The following PCDHA4 variants were observed in gnomAD, a reference collection of about 807,000 sequenced individuals.
PCDHA4 encodes protocadherin alpha-4.
In PCDHA4, 49 loss-of-function variants were observed where a neutral mutation model predicts 61.4. That is an observed-to-expected ratio of 0.80 (90% CI 0.63 to 1.01). The LOEUF (loss-of-function observed/expected upper bound fraction) is 1.01, where lower values mean the gene tolerates loss of function less well. Among genes scored for constraint, PCDHA4 ranks in the 50% least tolerant of loss-of-function variants. PCDHA4 has a pLI of 0.00. For synonymous variants in PCDHA4, 590 were observed against 550.3 expected (o/e 1.07, Z -1.01); for missense variants, 1,254 against 1,235.8 (o/e 1.01, Z -0.22).
intron 1 of PCDHA4, chr5:140,871,328 G>C: frequency 1.9e-6 from 3 of 1,614,128 alleles, no homozygotes; most frequent in Non-Finnish European, 2.5e-6. Flanking sequence ...GTGTGCTCCC[G>C]CGCGGTGGGG....
In PCDHA4 at chr5:140,856,803, A is replaced by C. The variant is rs782347816; in HGVS notation, c.2385+47231A>C. On this transcript the variant is annotated intron_variant, in intron 1 of 3. Coordinates refer to ENST00000530339, the MANE Select transcript of PCDHA4 (RefSeq NM_018907.4). ...CCGGTTTATGAAGTTAAGATGTATGAAAATCAAGTGAACCAAACATTAGTA... is the reference window on the plus strand; with the variant it reads ...CCGGTTTATGAAGTTAAGATGTATGCAAATCAAGTGAACCAAACATTAGTA... 9.4e-6 allele frequency: 15 copies of C among 1,595,568 alleles called. 2 individuals are homozygous for C. In the Admixed American group the frequency reaches 1.2e-4, roughly 13 times the overall value.
At position 140,854,896 on chromosome 5, in the gene PCDHA4, G is replaced by A. The variant is rs181663374; in HGVS notation, c.2385+45324G>A. Among the ~76,000 whole-genome samples, 38 of 149,756 alleles carry A rather than the reference G, an allele frequency of 2.5e-4. 1 individual carries two copies. Among genetic ancestry groups the A allele is most frequent in the African/African-American group, 4.6e-4 (19 of 40,968 alleles). On this transcript the variant is annotated intron_variant, in intron 1 of 3. Coordinates refer to ENST00000530339, the MANE Select transcript of PCDHA4 (RefSeq NM_018907.4). ...TGTGTCTTTTGGGCATTTGAAAAGC[G>A]TAAATATAACAGGGTTGAAAGCATT...
At chr5:140,973,959 G>A (rs782474164) in intron 1 of PCDHA4, among the ~76,000 whole-genome samples, 2 of 152,198 alleles carry the variant, frequency 1.3e-5, no homozygotes, top group Admixed American at 6.5e-5. Flanking sequence ...TTTTACAGGT[G>A]TCTTTAAATG....
chr5:140,865,121 A>G (rs1247954384), intron 1 of PCDHA4: 9 of 152,186 alleles, frequency 5.9e-5, no homozygotes, highest in African/African-American at 2.2e-4. Context: ...TTGTGGTGTT[A>G]ATTATACCTT....
intron 1 of PCDHA4, among the ~76,000 whole-genome samples, chr5:140,938,751 C>A (rs943916265): frequency 6.6e-6 from 1 of 151,978 alleles, no homozygotes; most frequent in Non-Finnish European, 1.5e-5. Flanking sequence ...TTTTTAAAGG[C>A]ATAGTTATTG....
chr5:140,875,917 G>A, intron 1 of PCDHA4: 1 of 1,614,146 alleles, frequency 6.2e-7, no homozygotes, highest in Non-Finnish European at 8.5e-7. Flanking sequence ...TGCGCCTCTG[G>A]ACTCTCATTT....
chr5:140,994,281 G>T (rs2097610222), intron 3 of PCDHA4, among the ~76,000 whole-genome samples: 1 of 152,144 alleles, frequency 6.6e-6, no homozygotes. Flanking sequence ...CCTTTCTTGA[G>T]ACAGTCCCCA....
At position 140,857,332 on chromosome 5, in the gene PCDHA4, C is replaced by G. The variant is rs782461373; in HGVS notation, c.2385+47760C>G. The G allele has an allele frequency of 1.9e-6, 3 of 1,598,330 alleles. 1 individual carries two copies. The highest frequency in any genetic ancestry group is 2.6e-6 in the Non-Finnish European group (3 of 1,167,876). On this transcript the variant is annotated intron_variant, in intron 1 of 3. Transcript: ENST00000530339. Reference sequence around the variant, plus strand: ...ATGAGCTGGTGGTGACCGCGCGGGACGGGGGCTCGCCTCCGCTGTGGGCCA... The same window carrying G: ...ATGAGCTGGTGGTGACCGCGCGGGAGGGGGGCTCGCCTCCGCTGTGGGCCA...
At chr5:140,984,157 C>G (rs1187103463) in intron 3 of PCDHA4, among the ~76,000 whole-genome samples, 1 of 152,228 alleles carries the variant, frequency 6.6e-6, no homozygotes, top group Non-Finnish European at 1.5e-5. Flanking sequence ...AAGGTGAGAA[C>G]TTCCCAAAGA....
intron 1 of PCDHA4, chr5:140,927,708 A>G: frequency 6.2e-7 from 1 of 1,614,202 alleles, no homozygotes; most frequent in Non-Finnish European, 8.5e-7. Context: ...AGTACTCCCT[A>G]AGCAACAGCA....
chr5:140,927,363 GAT>G (rs1188531316), intron 1 of PCDHA4: 33 of 1,613,946 alleles, frequency 2.0e-5, no homozygotes, highest in Non-Finnish European at 2.7e-5. Context: ...GAAGCAATGG[GAT>G]ACTAAGCTAC....
At chr5:140,841,682 G>T (rs2150320729) in intron 1 of PCDHA4, 21 of 1,613,844 alleles carry the variant, frequency 1.3e-5, no homozygotes, top group South Asian at 5.5e-5. Context: ...CCATGTGGAC[G>T]TGGAGGTGAA....
At chr5:140,809,628 C>CT in intron 1 of PCDHA4, 56 bp downstream of exon 1, 1 of 1,506,716 alleles carries the variant, frequency 6.6e-7, no homozygotes, top group South Asian at 1.4e-5. Context: ...CTATCAACTT[C>CT]TTCGTAAATT....
Position 140,809,209 on chromosome 5 carries a change from G to T in PCDHA4, c.2022G>T (p.Gln674His). The T allele has an allele frequency of 1.2e-6, 2 of 1,614,072 alleles. No homozygotes were observed. Among genetic ancestry groups the T allele is most frequent in the East Asian group, 4.5e-5 (2 of 44,882 alleles). ...TGGTGTCACTTGTGGAGAGTGGACA[G>T]GCGCCAAAGGCCTCCTCACGGGCGT... ...TVLVSLVESG[Q>H]APKASSRALV... The change falls in exon 1 of 4, where the codon CAG becomes CAT. Residue 674 changes from glutamine (Q) to histidine (H), a missense_variant. Gln to His is a conservative substitution (Grantham distance 24, BLOSUM62 0). Coordinates refer to ENST00000530339, the MANE Select transcript of PCDHA4 (RefSeq NM_018907.4).
intron 1 of PCDHA4, chr5:140,822,990 G>C (rs2150121071): frequency 1.2e-6 from 2 of 1,614,184 alleles, no homozygotes; most frequent in Admixed American, 1.7e-5. Context: ...ATTACTACTC[G>C]TTGGTGCTGG....
chr5:140,847,902 T>G (rs753467196), intron 1 of PCDHA4: 1 of 149,888 alleles, frequency 6.7e-6, no homozygotes, highest in South Asian at 2.1e-4. Context: ...ATCAGTAGAT[T>G]TCTGGGCTCC....
At chr5:140,983,740 C>A (rs1250895126) in intron 3 of PCDHA4, among the ~76,000 whole-genome samples, 1 of 152,190 alleles carries the variant, frequency 6.6e-6, no homozygotes, top group African/African-American at 2.4e-5. Context: ...GGCTGGCTTG[C>A]AATAATCCAT....
At chr5:140,851,448 T>C (rs2042064678) in intron 1 of PCDHA4, 1 of 914,844 alleles carries the variant, frequency 1.1e-6, no homozygotes, top group African/African-American at 1.8e-5. Flanking sequence ...TGCTCCACTT[T>C]AGGAATCAAA....
chr5:140,967,332 C>T (rs1269679357), intron 1 of PCDHA4: 2 of 1,607,906 alleles, frequency 1.2e-6, no homozygotes, highest in Non-Finnish European at 1.7e-6. Context: ...GAGCTCAGCC[C>T]CAGCGAGCAC....
Sources: gnomAD v4.1 joint callset for allele counts (sites outside exome capture counted in the v4.1 genomes callset) on GRCh38, gnomAD v4.1.1 for gene constraint, MANE v1.5 for transcripts, NCBI Gene and HGNC (gene_info 2026-07-23, HGNC 2026-07-21) for gene names.